The following UNC5C variants were observed in gnomAD, a reference collection of about 807,000 sequenced individuals.
UNC5C encodes the protein netrin receptor UNC5C.
A neutral mutation model predicts 99.8 loss-of-function variants in UNC5C; 47 were observed. The ratio of observed to expected loss-of-function variants is 0.47; its 90% CI spans 0.37 to 0.60. UNC5C has a LOEUF of 0.60. Ranked by LOEUF, UNC5C falls within the 20% of genes least tolerant of loss-of-function variation. UNC5C has a pLI of 0.00. For synonymous variants in UNC5C, 487 were observed against 452.2 expected, an observed-to-expected ratio of 1.08 and a Z score of -0.98; for missense variants, 1,062 against 1,165.9, an observed-to-expected ratio of 0.91 and a Z score of 1.30.
At chr4:95,181,972 A>C in intron 14 of UNC5C, among the ~76,000 whole-genome samples, 1 of 152,198 alleles carries the variant, frequency 6.6e-6, no homozygotes, top group East Asian at 1.9e-4. Flanking sequence ...CACATATGAC[A>C]ATCTTGTGCT....
intron 1 of UNC5C, among the ~76,000 whole-genome samples, chr4:95,544,403 G>A (rs1338852961): frequency 1.3e-5 from 2 of 152,112 alleles, no homozygotes; most frequent in African/African-American, 2.4e-5. Context: ...CTGCTCCCAC[G>A]TTCTTCTGTG....
intron 3 of UNC5C, among the ~76,000 whole-genome samples, chr4:95,283,629 CGAATGAATAA>C (rs1741136441): frequency 6.6e-6 from 1 of 152,036 alleles, no homozygotes; most frequent in Non-Finnish European, 1.5e-5. Context: ...ACAGGGGTGA[CGAATGAATAA>C]GAATGAAAAA....
chr4:95,422,874 C>A (rs900015899), intron 1 of UNC5C, among the ~76,000 whole-genome samples: 4 of 152,102 alleles, frequency 2.6e-5, no homozygotes, highest in Non-Finnish European at 4.4e-5. Context: ...CAGAAAAAAA[C>A]CAAACAAACC....
At chr4:95,420,109 T>C (rs1008057742) in intron 1 of UNC5C, among the ~76,000 whole-genome samples, 4 of 152,180 alleles carry the variant, frequency 2.6e-5, no homozygotes, top group African/African-American at 9.6e-5. Flanking sequence ...AAGCAATTAG[T>C]ATGTGTTAAT....
intron 4 of UNC5C, among the ~76,000 whole-genome samples, chr4:95,274,898 C>A (rs188872193): frequency 6.6e-6 from 1 of 152,120 alleles, no homozygotes; most frequent in Admixed American, 6.6e-5. Context: ...TGGTGATGTG[C>A]GCCTGTAATT....
chr4:95,308,751 CAAAAAAAAAAAAAAAAAA>C (rs59626139), intron 2 of UNC5C, among the ~76,000 whole-genome samples: 1 of 34,396 alleles, frequency 2.9e-5, no homozygotes, highest in African/African-American at 1.1e-4. Context: ...GACTCTGTCT[CAAAAAAAAAAAAAAAAAA>C]AAAAAAAAAA....
rs372987301 is a variant in UNC5C at position 95,270,066 on chromosome 4, T to C, written c.594+8193A>G. Among the ~76,000 whole-genome samples, 17 of 152,286 alleles carry C rather than the reference T, an allele frequency of 1.1e-4. No homozygotes were observed. The South Asian group carries it at 2.1e-3, about 19-fold the overall frequency. Reference sequence around the variant, plus strand: ...TGATAGCTAATACTCTTCTGTAGACTTTCACAGGTAGGTTTGGCTCTAATT... The same window carrying C: ...TGATAGCTAATACTCTTCTGTAGACCTTCACAGGTAGGTTTGGCTCTAATT... On this transcript the variant is annotated intron_variant, in intron 4 of 15. Transcript: ENST00000453304.
chr4:95,254,169 T>C (rs1739862182), intron 4 of UNC5C, among the ~76,000 whole-genome samples: 2 of 152,138 alleles, frequency 1.3e-5, no homozygotes, highest in African/African-American at 2.4e-5. Flanking sequence ...CAATTTTGAC[T>C]CTTTTTTTGT....
chr4:95,548,949 C>G lies in UNC5C; in HGVS notation c.-92G>C, dbSNP rs1323769928. 2.7e-6 allele frequency: 4 copies of G among 1,506,358 alleles called. No homozygotes were observed. The highest frequency in any genetic ancestry group is 4.6e-5 in the East Asian group (2 of 43,464). The allele number at this position is 1,506,358 out of a possible 1,614,324, so 93.3% of individuals were successfully genotyped here. A position where few individuals can be genotyped will look rare whatever the true frequency, so the allele number is the denominator to read the frequency against. On this transcript the variant is annotated 5_prime_UTR_variant, in exon 1 of 16. Transcript: ENST00000453304. Reference sequence around the variant, plus strand: ...ACTGGGCAGAAGCTGAATCCGTGCACCGCGAAGCAGTCCGAAGAAATAACG... The same window carrying G: ...ACTGGGCAGAAGCTGAATCCGTGCAGCGCGAAGCAGTCCGAAGAAATAACG...
intron 4 of UNC5C, among the ~76,000 whole-genome samples, chr4:95,255,677 A>G (rs1739950173): frequency 6.6e-6 from 1 of 152,264 alleles, no homozygotes; most frequent in Admixed American, 6.5e-5. Context: ...GGCAAGTCCC[A>G]GCAATTCTCT....
chr4:95,230,165 T>A (rs1405685389), intron 7 of UNC5C, among the ~76,000 whole-genome samples: 1 of 152,180 alleles, frequency 6.6e-6, no homozygotes, highest in African/African-American at 2.4e-5. Flanking sequence ...TGGTATCTCA[T>A]TGTGGTTTCG....
intron 1 of UNC5C, among the ~76,000 whole-genome samples, chr4:95,393,762 G>A (rs1745425834): frequency 1.3e-5 from 2 of 151,100 alleles, no homozygotes; most frequent in Admixed American, 6.6e-5. Flanking sequence ...GCCTACTGAT[G>A]TTTTATTACA....
intron 3 of UNC5C, among the ~76,000 whole-genome samples, chr4:95,285,870 A>T (rs1343174439): frequency 6.6e-6 from 1 of 152,170 alleles, no homozygotes; most frequent in Non-Finnish European, 1.5e-5. Flanking sequence ...TAAGTCAAAA[A>T]GGTCTGAAAA....
intron 1 of UNC5C, among the ~76,000 whole-genome samples, chr4:95,451,647 G>A (rs1747281683): frequency 6.6e-6 from 1 of 151,944 alleles, no homozygotes; most frequent in African/African-American, 2.4e-5. Flanking sequence ...CTTTTGTTTT[G>A]TCTGAGATCA....
intron 9 of UNC5C, among the ~76,000 whole-genome samples, 179 bp from the exon 10 acceptor site, chr4:95,216,390 T>A (rs1560736789): frequency 6.6e-6 from 1 of 152,188 alleles, no homozygotes; most frequent in Non-Finnish European, 1.5e-5. Flanking sequence ...CCCTCTGAAC[T>A]CTTATGCAAT....
chr4:95,354,479 A>ATATATATATATATATTTTT lies in UNC5C; in HGVS notation c.125-18849_125-18848insAAAAATATATATATATATA. ...TTACCTAACTCTTCCATATATATATATTTTTTTTTTTTTTTTAAGAGACAG... is the reference window on the plus strand; with the variant it reads ...TTACCTAACTCTTCCATATATATATATATATATATATATATTTTTTTTTTTTTTTTTTTTTAAGAGACAG... On this transcript the variant is annotated intron_variant, in intron 1 of 15. Coordinates refer to ENST00000453304, the MANE Select transcript of UNC5C (RefSeq NM_003728.4). Among the ~76,000 whole-genome samples, 918 of 110,176 alleles carry ATATATATATATATATTTTT rather than the reference A, an allele frequency of 8.3e-3. 30 individuals carry two copies. The highest frequency in any genetic ancestry group is 0.032 in the African/African-American group (780 of 24,608). 72.3% of individuals were successfully genotyped at this position (110,176 alleles called of 152,430 possible).
At chr4:95,458,557 A>G (rs1222617356) in intron 1 of UNC5C, among the ~76,000 whole-genome samples, 1 of 151,938 alleles carries the variant, frequency 6.6e-6, no homozygotes, top group African/African-American at 2.4e-5. Context: ...AGCCTTCCTT[A>G]CCAGAGCTAA....
At chr4:95,543,136 A>G (rs986776195) in intron 1 of UNC5C, among the ~76,000 whole-genome samples, 2 of 152,106 alleles carry the variant, frequency 1.3e-5, no homozygotes, top group Admixed American at 6.6e-5. Context: ...ACAAATACAT[A>G]AGCAATAACA....
intron 2 of UNC5C, among the ~76,000 whole-genome samples, chr4:95,327,190 C>A (rs1167131662): frequency 1.3e-5 from 2 of 152,104 alleles, no homozygotes; most frequent in African/African-American, 4.8e-5. Flanking sequence ...AACCCCCCAA[C>A]CTCCACCCCT....
Sources: allele counts gnomAD v4.1 joint callset (sites outside exome capture counted in the v4.1 genomes callset), GRCh38; gene constraint gnomAD v4.1.1; transcripts MANE v1.5; gene names NCBI Gene and HGNC (gene_info 2026-07-23, HGNC 2026-07-21).